AGAP1: variants seen among roughly 807,000 people sequenced by gnomAD.
AGAP1 encodes arf-GAP with GTPase, ANK repeat and PH domain-containing protein 1.
A neutral mutation model predicts 105.3 loss-of-function variants in AGAP1; 29 were observed. The observed-to-expected ratio is 0.28, with a 90% CI of 0.21 to 0.38. The LOEUF is 0.38. AGAP1 is among the 10% of genes least tolerant of loss of function. AGAP1 has a pLI of 1.00. For missense variants in AGAP1, 998 were observed against 1,165.1 expected, an observed-to-expected ratio of 0.86 and a Z score of 2.09; for synonymous variants, 509 against 485.9, an observed-to-expected ratio of 1.05 and a Z score of -0.63.
intron 15 of AGAP1, among the ~76,000 whole-genome samples, chr2:236,048,599 G>A (rs940198101): frequency 2.0e-5 from 3 of 152,202 alleles, no homozygotes; most frequent in Non-Finnish European, 2.9e-5. Flanking sequence ...TGATGTGCCA[G>A]TGGCTGCAGA....
chr2:236,018,049 C>A (rs1215736308), intron 13 of AGAP1, among the ~76,000 whole-genome samples: 2 of 152,174 alleles, frequency 1.3e-5, no homozygotes, highest in Non-Finnish European at 2.9e-5. Flanking sequence ...AATATTTTAT[C>A]TTTTGTCTGT....
rs1458917208 is a variant in AGAP1 at position 236,042,942 on chromosome 2, G to A, written c.1891+2101G>A. Among the ~76,000 whole-genome samples the A allele has an allele frequency of 6.6e-6, 1 of 152,206 alleles. No homozygotes were observed. Among genetic ancestry groups the A allele is most frequent in the Non-Finnish European group, 1.5e-5 (1 of 68,032 alleles). On this transcript the variant is annotated intron_variant, in intron 15 of 17. Coordinates refer to ENST00000304032, the MANE Select transcript of AGAP1 (RefSeq NM_001037131.3). The surrounding 1 kb of genome is among the most constrained non-coding windows in gnomAD (Gnocchi z 5.6). ...CAACCCTAGTAGTTGGTGCCCCTGT[G>A]GGCCCCACTTAAAGGGGAGGAATTG...
At position 235,889,432 on chromosome 2, in the gene AGAP1, A is replaced by G. The variant is rs2050422739; in HGVS notation, c.1155+5983A>G. Among the ~76,000 whole-genome samples the G allele has an allele frequency of 6.6e-6, 1 of 152,176 alleles. No individual in the cohort carries two copies. Among genetic ancestry groups the G allele is most frequent in the Admixed American group, 6.5e-5 (1 of 15,282 alleles). On this transcript the variant is annotated intron_variant, in intron 10 of 17. Coordinates refer to ENST00000304032, the MANE Select transcript of AGAP1 (RefSeq NM_001037131.3). This position sits in a 1 kb window ranked among gnomAD's most constrained non-coding sequence, Gnocchi z 4.6. ...ACTGGGGCAGCTTTCTACTTGCAGA[A>G]GATCATGACAAGGGACTTCAGCTGG...
rs565484417 is a variant in AGAP1 at position 235,872,261 on chromosome 2, A to G, written c.1051-11084A>G. On this transcript the variant is annotated intron_variant, in intron 9 of 17. Coordinates refer to ENST00000304032, the MANE Select transcript of AGAP1 (RefSeq NM_001037131.3). This position sits in a 1 kb window ranked among gnomAD's most constrained non-coding sequence, Gnocchi z 4.5. ...AGTGAGCCCAATATTGCATAGAAAT[A>G]AAAAAAAAAAGTTCTAAATAAATGC... 9.3e-4 allele frequency among the ~76,000 whole-genome samples: 126 copies of G among 136,140 alleles called. 1 individual carries two copies. Among genetic ancestry groups the G allele is most frequent in the Non-Finnish European group, 9.9e-4 (64 of 64,858 alleles). The allele number at this position is 136,140 out of a possible 152,430, so 89.3% of individuals were successfully genotyped here.
In AGAP1 at chr2:235,510,560, C is replaced by T. The variant is rs77721080; in HGVS notation, c.163+15711C>T. Among the ~76,000 whole-genome samples the T allele has an allele frequency of 4.1e-3, 617 of 152,142 alleles. 7 individuals are homozygous for T. The highest frequency in any genetic ancestry group is 0.014 in the African/African-American group (588 of 41,496). Reference sequence around the variant, plus strand: ...TGCTTTCATTTCTCTTGGGTAGATACCTAGGAGTGGAGTGGCTGGGAGATG... The same window carrying T: ...TGCTTTCATTTCTCTTGGGTAGATATCTAGGAGTGGAGTGGCTGGGAGATG... On this transcript the variant is annotated intron_variant, in intron 1 of 17. Coordinates refer to ENST00000304032, the MANE Select transcript of AGAP1 (RefSeq NM_001037131.3).
At chr2:235,758,007 G>T (rs926983939) in intron 6 of AGAP1, among the ~76,000 whole-genome samples, 1 of 152,184 alleles carries the variant, frequency 6.6e-6, no homozygotes, top group Non-Finnish European at 1.5e-5. Flanking sequence ...GGATGTATCA[G>T]TTAAGCCTAT....
Position 236,061,928 on chromosome 2 carries a change from C to T in AGAP1, c.2114+12647C>T, listed in dbSNP as rs1008509386. Among the ~76,000 whole-genome samples the T allele has an allele frequency of 3.3e-5, 5 of 149,910 alleles. No homozygotes were observed. In the South Asian group the frequency reaches 6.3e-4, roughly 19 times the overall value. On this transcript the variant is annotated intron_variant, in intron 16 of 17. Transcript: ENST00000304032. The surrounding 1 kb of genome is among the most constrained non-coding windows in gnomAD (Gnocchi z 4.1). ...CCAAAGGAAAACAGATGAGCCAGGGCGTTCCACAAAGAGCAGCTGGAGCAA... is the reference window on the plus strand; with the variant it reads ...CCAAAGGAAAACAGATGAGCCAGGGTGTTCCACAAAGAGCAGCTGGAGCAA...
rs559754637 is a variant in AGAP1 at position 235,904,950 on chromosome 2, T to G, written c.1156-3788T>G. ...AGTGCCTTGAAATATAAGAATTGGCTATTTTAAATACCGATTTTATTTATT... is the reference window on the plus strand; with the variant it reads ...AGTGCCTTGAAATATAAGAATTGGCGATTTTAAATACCGATTTTATTTATT... On this transcript the variant is annotated intron_variant, in intron 10 of 17. Coordinates refer to ENST00000304032, the MANE Select transcript of AGAP1 (RefSeq NM_001037131.3). The surrounding 1 kb of genome is among the most constrained non-coding windows in gnomAD (Gnocchi z 4.2). Among the ~76,000 whole-genome samples the G allele has an allele frequency of 2.6e-5, 4 of 152,292 alleles. No individual in the cohort carries two copies. The East Asian group carries it at 7.7e-4, about 29-fold the overall frequency.
In AGAP1 at chr2:235,751,868, G is replaced by A. The variant is rs546136879; in HGVS notation, c.673+1380G>A. Among the ~76,000 whole-genome samples the A allele has an allele frequency of 6.6e-5, 10 of 152,300 alleles. No individual in the cohort carries two copies. The highest frequency in any genetic ancestry group is 1.2e-4 in the African/African-American group (5 of 41,562). On this transcript the variant is annotated intron_variant, in intron 6 of 17. Coordinates refer to ENST00000304032, the MANE Select transcript of AGAP1 (RefSeq NM_001037131.3). This position sits in a 1 kb window ranked among gnomAD's most constrained non-coding sequence, Gnocchi z 5.3. ...TGAGGATCAGCACAAAGTCGCTGGGGTCCCACAGCCCCTTCTTCCCTCCAC... is the reference window on the plus strand; with the variant it reads ...TGAGGATCAGCACAAAGTCGCTGGGATCCCACAGCCCCTTCTTCCCTCCAC...
chr2:235,583,893 T>TG (rs143918091), intron 1 of AGAP1, among the ~76,000 whole-genome samples: 25,958 of 143,468 alleles, frequency 0.18, 2,672 homozygotes, highest in East Asian at 0.33. Flanking sequence ...AAAAAAAAGA[T>TG]GGGGTCTCAC....
intron 1 of AGAP1, among the ~76,000 whole-genome samples, chr2:235,585,477 C>T (rs1945078108): frequency 6.6e-6 from 1 of 152,198 alleles, no homozygotes; most frequent in South Asian, 2.1e-4. Flanking sequence ...CACACAGTGG[C>T]TTTGCCCCGT....
chr2:235,924,219 C>T (rs2052335209), intron 11 of AGAP1, among the ~76,000 whole-genome samples: 1 of 152,102 alleles, frequency 6.6e-6, no homozygotes, highest in Non-Finnish European at 1.5e-5. Flanking sequence ...CTCCCCTTTC[C>T]ATCTATTCTT....
intron 1 of AGAP1, among the ~76,000 whole-genome samples, chr2:235,513,543 AAAAAG>A (rs1376901319): frequency 6.6e-6 from 1 of 151,568 alleles, no homozygotes; most frequent in African/African-American, 2.4e-5. Flanking sequence ...AAAAAAAAAA[AAAAAG>A]AAATGCAGAT....
At chr2:235,697,677 C>T (rs1265326700) in intron 1 of AGAP1, among the ~76,000 whole-genome samples, 5 of 152,160 alleles carry the variant, frequency 3.3e-5, no homozygotes, top group Non-Finnish European at 7.3e-5. Flanking sequence ...TGGTAATCTT[C>T]TGGATTTATT....
chr2:236,110,438 C>G (rs1003580764), intron 16 of AGAP1, among the ~76,000 whole-genome samples: 2 of 151,972 alleles, frequency 1.3e-5, no homozygotes, highest in Admixed American at 6.6e-5. Flanking sequence ...TGATGTGCAC[C>G]TGTAGTTCCA....
At chr2:235,709,267 G>T in intron 2 of AGAP1, 30 bp downstream of exon 2, 1 of 1,611,524 alleles carries the variant, frequency 6.2e-7, no homozygotes, top group Non-Finnish European at 8.5e-7. Flanking sequence ...CCTGGCACCT[G>T]TGGGAAGGGA....
chr2:235,769,312 T>C lies in AGAP1; in HGVS notation c.673+18824T>C, dbSNP rs1241858896. Among the ~76,000 whole-genome samples the C allele has an allele frequency of 6.6e-6, 1 of 152,260 alleles. No homozygotes were observed. Among genetic ancestry groups the C allele is most frequent in the Non-Finnish European group, 1.5e-5 (1 of 68,050 alleles). On this transcript the variant is annotated intron_variant, in intron 6 of 17. Transcript: ENST00000304032. This position sits in a 1 kb window ranked among gnomAD's most constrained non-coding sequence, Gnocchi z 4.4. ...CAGAGCCAGGACATGCCTGGGCTGC[T>C]GAGTGGGGCGTGCCCAACTCTTTCT...
chr2:235,947,125 A>G (rs1332991081), intron 12 of AGAP1, among the ~76,000 whole-genome samples: 1 of 152,090 alleles, frequency 6.6e-6, no homozygotes, highest in Non-Finnish European at 1.5e-5. Context: ...GTTTTTGGTT[A>G]CATGGATCAG....
At chr2:236,032,868 T>G (rs1291749902) in intron 13 of AGAP1, among the ~76,000 whole-genome samples, 1 of 152,036 alleles carries the variant, frequency 6.6e-6, no homozygotes, top group Non-Finnish European at 1.5e-5. Context: ...GAGACAGAAA[T>G]GTTGAGTGAC....
Sources: allele counts gnomAD v4.1 joint callset (sites outside exome capture counted in the v4.1 genomes callset), GRCh38; gene constraint gnomAD v4.1.1; non-coding constraint Gnocchi (gnomAD v3.1); transcripts MANE v1.5; gene names NCBI Gene and HGNC (gene_info 2026-07-23, HGNC 2026-07-21).